The following CDH10 variants were observed in gnomAD, a reference collection of about 807,000 sequenced individuals.
CDH10 encodes the protein cadherin-10.
A neutral mutation model predicts 73.1 loss-of-function variants in CDH10; 30 were observed. That is an observed-to-expected ratio of 0.41 (90% CI 0.31 to 0.56). The LOEUF is 0.56. CDH10 is among the 20% of genes least tolerant of loss of function. The pLI is 0.27. For synonymous variants in CDH10, 345 were observed against 348.2 expected (o/e 0.99, Z 0.10); for missense variants, 815 against 973.7 (o/e 0.84, Z 2.17).
chr5:24,511,303 C>T (rs1046751206), intron 6 of CDH10, 24 bp downstream of exon 6: 9 of 1,478,346 alleles, frequency 6.1e-6, no homozygotes, highest in Admixed American at 1.7e-5. Context: ...CACACAGATG[C>T]TTATTTATAT....
rs576784733 is a variant in CDH10 at position 24,632,501 on chromosome 5, T to C, written c.-124+12093A>G. ...ATATATCTCAGAATAGAAGCACTTT[T>C]GTTGACAGAAGGAGCATGGTTTAAT... On this transcript the variant is annotated intron_variant, in intron 1 of 11. Coordinates refer to ENST00000264463, the MANE Select transcript of CDH10 (RefSeq NM_006727.5). 4.6e-5 allele frequency among the ~76,000 whole-genome samples: 7 copies of C among 152,172 alleles called. No individual in the cohort carries two copies. In the East Asian group the frequency reaches 1.4e-3, roughly 29 times the overall value.
At chr5:24,502,246 T>A (rs1742528779) in intron 8 of CDH10, among the ~76,000 whole-genome samples, 1 of 152,094 alleles carries the variant, frequency 6.6e-6, no homozygotes, top group East Asian at 1.9e-4. Context: ...TAAAATATTT[T>A]TGAAGAAGAA....
At chr5:24,539,767 A>G (rs1744083785) in intron 2 of CDH10, among the ~76,000 whole-genome samples, 1 of 152,054 alleles carries the variant, frequency 6.6e-6, no homozygotes, top group African/African-American at 2.4e-5. Flanking sequence ...TATCCAGGAA[A>G]CCACTCTTAA....
chr5:24,574,177 C>A (rs866249632), intron 2 of CDH10, among the ~76,000 whole-genome samples: 1 of 152,024 alleles, frequency 6.6e-6, no homozygotes, highest in Admixed American at 6.6e-5. Context: ...TGAGCCACTG[C>A]GCCCGGCCTA....
At chr5:24,539,738 C>T (rs1044581534) in intron 2 of CDH10, among the ~76,000 whole-genome samples, 7 of 151,894 alleles carry the variant, frequency 4.6e-5, no homozygotes, top group Non-Finnish European at 8.8e-5. Context: ...AAAAGCTTTC[C>T]GAAGTAACAT....
At chr5:24,508,555 T>G (rs1742780989) in intron 7 of CDH10, among the ~76,000 whole-genome samples, 1 of 150,650 alleles carries the variant, frequency 6.6e-6, no homozygotes, top group Non-Finnish European at 1.5e-5. Context: ...GACAGGGTGT[T>G]GCTTTGTCAC....
At chr5:24,509,191 T>G (rs1579735246) in intron 7 of CDH10, among the ~76,000 whole-genome samples, 4 of 111,062 alleles carry the variant, frequency 3.6e-5, no homozygotes, top group Admixed American at 2.1e-4. Context: ...GTATTTCAAC[T>G]GCTTTTTTTT....
At chr5:24,519,413 C>A (rs1743230000) in intron 5 of CDH10, among the ~76,000 whole-genome samples, 1 of 152,058 alleles carries the variant, frequency 6.6e-6, no homozygotes, top group South Asian at 2.1e-4. Context: ...AAAATAAAGA[C>A]AATGTGCAGA....
chr5:24,545,358 G>A (rs775071504), intron 2 of CDH10, among the ~76,000 whole-genome samples: 1 of 152,172 alleles, frequency 6.6e-6, no homozygotes, highest in Admixed American at 6.5e-5. Context: ...AAAAGCAAGA[G>A]ATTCATTTAA....
At chr5:24,534,109 TAGAC>T (rs947709069) in intron 5 of CDH10, among the ~76,000 whole-genome samples, 5 of 152,080 alleles carry the variant, frequency 3.3e-5, no homozygotes, top group Non-Finnish European at 7.4e-5. Flanking sequence ...TGTTAATTCT[TAGAC>T]AGTAATTCCT....
At chr5:24,567,901 T>C (rs907379622) in intron 2 of CDH10, among the ~76,000 whole-genome samples, 2 of 152,114 alleles carry the variant, frequency 1.3e-5, no homozygotes, top group Admixed American at 1.3e-4. Flanking sequence ...TTCTTTCTTT[T>C]CCTTTTGTCA....
chr5:24,617,370 G>T (rs1423646274), intron 1 of CDH10, among the ~76,000 whole-genome samples: 1 of 152,128 alleles, frequency 6.6e-6, no homozygotes, highest in African/African-American at 2.4e-5. Flanking sequence ...TTTGTATTGA[G>T]ATCAATAAGA....
intron 1 of CDH10, among the ~76,000 whole-genome samples, chr5:24,621,969 C>G (rs926205074): frequency 6.6e-6 from 1 of 151,918 alleles, no homozygotes; most frequent in Admixed American, 6.6e-5. Context: ...CCTGAGAGAA[C>G]GAAAGAAGAT....
chr5:24,632,903 G>A (rs912602344), intron 1 of CDH10, among the ~76,000 whole-genome samples: 4 of 151,738 alleles, frequency 2.6e-5, no homozygotes, highest in African/African-American at 7.3e-5. Context: ...TGATGATGAT[G>A]ATGATAATGA....
At chr5:24,546,971 G>T (rs1048827551) in intron 2 of CDH10, among the ~76,000 whole-genome samples, 3 of 151,874 alleles carry the variant, frequency 2.0e-5, no homozygotes, top group African/African-American at 7.3e-5. Flanking sequence ...TGAAACATGG[G>T]GTCAACAATT....
rs572161920 is a variant in CDH10 at position 24,488,492 on chromosome 5, A to C, written c.1877-339T>G. Among the ~76,000 whole-genome samples the C allele has an allele frequency of 3.9e-5, 6 of 152,204 alleles. No individual in the cohort carries two copies. The South Asian group carries it at 1.2e-3, about 32-fold the overall frequency. ...TTCTGCATTAAATAAGGAACATAAG[A>C]TACTATATAAAATTTGTGTGTATAA... On this transcript the variant is annotated intron_variant, in intron 11 of 11. Transcript: ENST00000264463.
intron 2 of CDH10, among the ~76,000 whole-genome samples, chr5:24,583,236 C>G (rs1288992927): frequency 6.8e-6 from 1 of 147,396 alleles, no homozygotes; most frequent in Non-Finnish European, 1.5e-5. Flanking sequence ...CCATTAACAT[C>G]TCACATCTCA....
chr5:24,528,142 G>T (rs564190440), intron 5 of CDH10, among the ~76,000 whole-genome samples: 1 of 151,946 alleles, frequency 6.6e-6, no homozygotes, highest in South Asian at 2.1e-4. Flanking sequence ...GGATATTTTG[G>T]TGGTCACAGT....
intron 1 of CDH10, among the ~76,000 whole-genome samples, chr5:24,629,189 GA>G (rs1294058172): frequency 6.6e-6 from 1 of 151,976 alleles, no homozygotes; most frequent in Non-Finnish European, 1.5e-5. Context: ...CTACTTTAAG[GA>G]ATAAATACTT....
Sources: allele counts gnomAD v4.1 joint callset (sites outside exome capture counted in the v4.1 genomes callset), GRCh38; gene constraint gnomAD v4.1.1; transcripts MANE v1.5; gene names NCBI Gene and HGNC (gene_info 2026-07-23, HGNC 2026-07-21).